KLHL1: variants seen among roughly 807,000 people sequenced by gnomAD.
The protein encoded by KLHL1 is kelch-like protein 1.
A neutral mutation model predicts 77.7 loss-of-function variants in KLHL1; 47 were observed. That is an observed-to-expected ratio of 0.60 (90% CI 0.48 to 0.77). The LOEUF (loss-of-function observed/expected upper bound fraction) is 0.77, where lower values mean the gene tolerates loss of function less well. KLHL1 is among the 30% of genes least tolerant of loss of function. The probability of loss-of-function intolerance (pLI) is 0.00; values close to 1 mark genes in which losing one functional copy is unlikely to be tolerated. For synonymous variants in KLHL1, 360 were observed against 325.2 expected (o/e 1.11, Z -1.15); for missense variants, 925 against 910.8 (o/e 1.02, Z -0.20).
intron 1 of KLHL1, among the ~76,000 whole-genome samples, chr13:70,031,165 G>A (rs1018620171): frequency 6.6e-6 from 1 of 152,120 alleles, no homozygotes; most frequent in East Asian, 1.9e-4. Context: ...ACTGGCCAAT[G>A]GAATGAAGGC....
intron 5 of KLHL1, among the ~76,000 whole-genome samples, chr13:69,855,361 T>TAG (rs879390455): frequency 0.048 from 5,830 of 122,440 alleles, 167 homozygotes; most frequent in African/African-American, 0.058. Context: ...GACAGATAGA[T>TAG]ACATAGAGAG....
intron 1 of KLHL1, among the ~76,000 whole-genome samples, chr13:70,045,037 T>A (rs1886462619): frequency 6.6e-6 from 1 of 152,180 alleles, no homozygotes; most frequent in African/African-American, 2.4e-5. Flanking sequence ...TGTATAATAT[T>A]CATATAGGAA....
intron 4 of KLHL1, among the ~76,000 whole-genome samples, chr13:69,934,540 G>T (rs1566418687): frequency 6.6e-6 from 1 of 151,756 alleles, no homozygotes; most frequent in Non-Finnish European, 1.5e-5. Flanking sequence ...TTCCTTTTAT[G>T]TCAGTCTGAT....
rs187912505 is a variant in KLHL1, at chr13:69,810,382, G to T, written c.1415-13420C>A. ...GAATAAAAACAGACATAAACACTGG[G>T]AAAGTTCTCAAACCATACGAATACA... On this transcript the variant is annotated intron_variant, in intron 6 of 10. Transcript: ENST00000377844. Among the ~76,000 whole-genome samples the T allele has an allele frequency of 1.2e-4, 19 of 152,058 alleles. No individual in the cohort carries two copies. In the East Asian group the frequency reaches 3.7e-3, roughly 29 times the overall value.
intron 3 of KLHL1, among the ~76,000 whole-genome samples, chr13:69,942,483 CATA>C (rs1883395605): frequency 6.6e-6 from 1 of 151,974 alleles, no homozygotes; most frequent in East Asian, 1.9e-4. Context: ...AGTTTTATGA[CATA>C]ATAAAAAGTT....
intron 5 of KLHL1, among the ~76,000 whole-genome samples, chr13:69,853,239 G>A (rs3012110): frequency 0.92 from 140,296 of 151,730 alleles, 65,065 homozygotes; most frequent in East Asian, 0.99. Flanking sequence ...GTGGGAAGTA[G>A]TTAAATAATG....
chr13:69,859,549 C>T (rs566455726), intron 5 of KLHL1, among the ~76,000 whole-genome samples: 7 of 152,086 alleles, frequency 4.6e-5, no homozygotes, highest in African/African-American at 1.7e-4. Flanking sequence ...CACCATAGTT[C>T]GAGTTCTCTG....
At chr13:69,891,513 A>T (rs899700962) in intron 4 of KLHL1, among the ~76,000 whole-genome samples, 1 of 152,012 alleles carries the variant, frequency 6.6e-6, no homozygotes, top group Non-Finnish European at 1.5e-5. Flanking sequence ...AGGAGTTAGA[A>T]ATTATAGTGG....
chr13:69,798,221 G>T (rs1402698272), intron 6 of KLHL1, among the ~76,000 whole-genome samples: 6 of 152,094 alleles, frequency 3.9e-5, no homozygotes. Flanking sequence ...ACATTCTTGT[G>T]TACTTTCACT....
At chr13:69,788,342 A>G (rs1300492239) in intron 7 of KLHL1, among the ~76,000 whole-genome samples, 2 of 152,140 alleles carry the variant, frequency 1.3e-5, no homozygotes, top group Non-Finnish European at 2.9e-5. Context: ...TAAAAAATAA[A>G]GAGTTCACGT....
intron 9 of KLHL1, among the ~76,000 whole-genome samples, chr13:69,709,065 G>A (rs761851426): frequency 5.3e-5 from 8 of 151,994 alleles, no homozygotes; most frequent in Non-Finnish European, 7.4e-5. Flanking sequence ...TGGTTGGGGG[G>A]TTTGTGCATT....
chr13:69,867,472 G>A (rs1003783326), intron 5 of KLHL1, among the ~76,000 whole-genome samples: 1 of 151,800 alleles, frequency 6.6e-6, no homozygotes, highest in Non-Finnish European at 1.5e-5. Flanking sequence ...AACAACACTG[G>A]AAAAATAAAC....
chr13:69,994,157 G>A (rs925105695), intron 1 of KLHL1, among the ~76,000 whole-genome samples: 1 of 152,022 alleles, frequency 6.6e-6, no homozygotes, highest in African/African-American at 2.4e-5. Flanking sequence ...GTAGCATCGG[G>A]ACAAGCATAT....
chr13:69,730,786 C>T (rs895975013), intron 8 of KLHL1, among the ~76,000 whole-genome samples: 3 of 152,136 alleles, frequency 2.0e-5, no homozygotes, highest in East Asian at 3.9e-4. Context: ...CACTACGTTG[C>T]CCAGGCTGGT....
chr13:70,007,202 C>T (rs541327473), intron 1 of KLHL1, among the ~76,000 whole-genome samples: 9 of 151,866 alleles, frequency 5.9e-5, no homozygotes, highest in Non-Finnish European at 8.8e-5. Context: ...TGGAATGTGT[C>T]GTATTGCAAT....
Position 69,701,648 on chromosome 13 carries a change from T to C in KLHL1, c.*54A>G. On this transcript the variant is annotated 3_prime_UTR_variant, in exon 11 of 11. Transcript: ENST00000377844. ...GGAAGTTCTCATTCTTGCCATTCAA[T>C]ATAAAAATAACCACTCCAGCAAGTA... The C allele has an allele frequency of 1.6e-6, 2 of 1,269,118 alleles. No homozygotes were observed. Among genetic ancestry groups the C allele is most frequent in the Admixed American group, 3.7e-5 (2 of 54,040 alleles). The allele number at this position is 1,269,118 out of a possible 1,614,324, so 78.6% of individuals were successfully genotyped here.
intron 5 of KLHL1, among the ~76,000 whole-genome samples, chr13:69,865,934 A>G (rs187164256): frequency 1.2e-4 from 19 of 152,252 alleles, no homozygotes; most frequent in Admixed American, 9.8e-4. Context: ...ACATATTCTG[A>G]GAGTAACGAA....
chr13:69,907,355 A>G (rs2026393), intron 4 of KLHL1, among the ~76,000 whole-genome samples: 68,365 of 151,794 alleles, frequency 0.45, 15,894 homozygotes, highest in East Asian at 0.6. Flanking sequence ...CCAAAATGGC[A>G]AATATCTATT....
At chr13:70,033,069 T>C (rs1397521793) in intron 1 of KLHL1, among the ~76,000 whole-genome samples, 1 of 152,218 alleles carries the variant, frequency 6.6e-6, no homozygotes, top group Non-Finnish European at 1.5e-5. Flanking sequence ...TGCACTTCAC[T>C]ACATCTTAAT....
Sources: gnomAD v4.1 joint callset for allele counts (sites outside exome capture counted in the v4.1 genomes callset) on GRCh38, gnomAD v4.1.1 for gene constraint, MANE v1.5 for transcripts, NCBI Gene and HGNC (gene_info 2026-07-23, HGNC 2026-07-21) for gene names.